The following TIAM1 variants were observed in gnomAD, a reference collection of about 807,000 sequenced individuals.
TIAM1 encodes the protein rho guanine nucleotide exchange factor TIAM1.
Under a neutral mutation model 163.5 loss-of-function variants are expected in TIAM1, and 65 were observed. The observed-to-expected ratio is 0.40, with a 90% CI of 0.33 to 0.49. The LOEUF is 0.49. Among genes scored for constraint, TIAM1 ranks in the 20% least tolerant of loss-of-function variants. The pLI, the probability that TIAM1 is intolerant of heterozygous loss-of-function variation, is 0.77. For synonymous variants in TIAM1, 833 were observed against 810.1 expected, an observed-to-expected ratio of 1.03 and a Z score of -0.48; for missense variants, 1,789 against 2,044.7, an observed-to-expected ratio of 0.87 and a Z score of 2.41.
At chr21:31,368,020 C>T (rs2076529970) in intron 2 of TIAM1, among the ~76,000 whole-genome samples, 1 of 152,094 alleles carries the variant, frequency 6.6e-6, no homozygotes, top group Non-Finnish European at 1.5e-5. Flanking sequence ...CATGAGAGGC[C>T]TCTCAGTATA....
intron 3 of TIAM1, among the ~76,000 whole-genome samples, chr21:31,272,418 AGGTAGGT>A (rs1295059927): frequency 6.6e-6 from 1 of 151,878 alleles, no homozygotes; most frequent in Admixed American, 6.6e-5. Context: ...TATATATATC[AGGTAGGT>A]GGTCATTTCT....
At chr21:31,509,752 C>T (rs1305368010) in intron 1 of TIAM1, among the ~76,000 whole-genome samples, 1 of 152,150 alleles carries the variant, frequency 6.6e-6, no homozygotes, top group Admixed American at 6.5e-5. Flanking sequence ...TCCCTTGCAA[C>T]AAAGACGGGG....
intron 2 of TIAM1, among the ~76,000 whole-genome samples, chr21:31,329,699 C>T (rs1425580741): frequency 6.6e-6 from 1 of 152,172 alleles, no homozygotes; most frequent in African/African-American, 2.4e-5. Flanking sequence ...CTTAGAGTAT[C>T]AGAGCCTCCT....
At chr21:31,422,139 C>T (rs2043600435) in intron 2 of TIAM1, among the ~76,000 whole-genome samples, 1 of 152,136 alleles carries the variant, frequency 6.6e-6, no homozygotes. Flanking sequence ...TTTCGTAAGC[C>T]ACCAAGTTGG....
At chr21:31,170,104 CATGTTT>C (rs990304581) in intron 15 of TIAM1, among the ~76,000 whole-genome samples, 26 of 152,232 alleles carry the variant, frequency 1.7e-4, no homozygotes, top group African/African-American at 6.3e-4. Flanking sequence ...ACTTAAACTT[CATGTTT>C]AGATTATAGA....
At chr21:31,551,376 CT>C (rs992371716) in intron 1 of TIAM1, among the ~76,000 whole-genome samples, 8 of 151,866 alleles carry the variant, frequency 5.3e-5, no homozygotes, top group African/African-American at 1.9e-4. Flanking sequence ...TGCCATTGCA[CT>C]CCAGCCTGGG....
chr21:31,138,878 C>T (rs1170547634), intron 22 of TIAM1, among the ~76,000 whole-genome samples: 1 of 152,206 alleles, frequency 6.6e-6, no homozygotes, highest in Non-Finnish European at 1.5e-5. Flanking sequence ...TCTTCTCTTG[C>T]TCTCTTTGGC....
intron 2 of TIAM1, among the ~76,000 whole-genome samples, chr21:31,399,503 A>T (rs557454253): frequency 6.6e-6 from 1 of 152,192 alleles, no homozygotes; most frequent in Admixed American, 6.5e-5. Flanking sequence ...GTATGCATCC[A>T]CTGTGGGGGG....
At chr21:31,447,624 T>C (rs1031467172) in intron 2 of TIAM1, among the ~76,000 whole-genome samples, 6 of 151,980 alleles carry the variant, frequency 3.9e-5, no homozygotes, top group Non-Finnish European at 7.4e-5. Flanking sequence ...CAAAAGCAAA[T>C]GGAAGTGAAG....
chr21:31,479,446 T>A (rs1438724859), intron 1 of TIAM1, among the ~76,000 whole-genome samples: 5 of 130,742 alleles, frequency 3.8e-5, no homozygotes, highest in Admixed American at 3.8e-4. Context: ...AATGGAAGGA[T>A]GGATGGATAG....
intron 2 of TIAM1, among the ~76,000 whole-genome samples, chr21:31,421,565 G>A (rs574796399): frequency 2.0e-5 from 3 of 152,324 alleles, no homozygotes; most frequent in East Asian, 3.9e-4. Context: ...CACTCCTTAT[G>A]AGAATCGAAT....
chr21:31,319,808 A>G (rs2075252852), intron 2 of TIAM1, among the ~76,000 whole-genome samples: 1 of 150,298 alleles, frequency 6.7e-6, no homozygotes, highest in African/African-American at 2.4e-5. Flanking sequence ...AAAAATTACT[A>G]TAACCTTTCT....
At chr21:31,324,516 C>A (rs185991297) in intron 2 of TIAM1, among the ~76,000 whole-genome samples, 1 of 152,104 alleles carries the variant, frequency 6.6e-6, no homozygotes, top group African/African-American at 2.4e-5. Flanking sequence ...AGTACTTGTC[C>A]CCATTTATAA....
At chr21:31,397,812 C>T (rs1025588822) in intron 2 of TIAM1, among the ~76,000 whole-genome samples, 6 of 152,108 alleles carry the variant, frequency 3.9e-5, no homozygotes, top group Admixed American at 1.3e-4. Context: ...CAGGGCAAAA[C>T]GAAAGACATG....
chr21:31,184,850 T>G (rs754338887), intron 14 of TIAM1, among the ~76,000 whole-genome samples: 4 of 152,164 alleles, frequency 2.6e-5, no homozygotes, highest in Admixed American at 6.5e-5. Flanking sequence ...AGCAGATAAA[T>G]TATCCTGACT....
In TIAM1 at chr21:31,119,210, T is replaced by C. The variant is rs1216193168; in HGVS notation, c.*1158A>G. On this transcript the variant is annotated 3_prime_UTR_variant, in exon 28 of 28. Transcript: ENST00000541036. ...TTTTGAGCATGTTTACCCTGTTTCGTTGGCATGAAGAAAGTGTTAAACACA... is the reference window on the plus strand; with the variant it reads ...TTTTGAGCATGTTTACCCTGTTTCGCTGGCATGAAGAAAGTGTTAAACACA... 6.5e-6 allele frequency: 1 copy of C among 152,692 alleles called. No individual in the cohort carries two copies. The highest frequency in any genetic ancestry group is 2.4e-5 in the African/African-American group (1 of 41,450). The allele number at this position is 152,692 out of a possible 1,614,324, so 9.5% of individuals were successfully genotyped here.
intron 3 of TIAM1, among the ~76,000 whole-genome samples, chr21:31,276,105 C>A (rs2146855711): frequency 6.6e-6 from 1 of 152,112 alleles, no homozygotes; most frequent in South Asian, 2.1e-4. Flanking sequence ...TGGTTTCAAG[C>A]CTGTTTTTTC....
chr21:31,159,543 A>T (rs1271400290), intron 16 of TIAM1, among the ~76,000 whole-genome samples: 3 of 152,252 alleles, frequency 2.0e-5, no homozygotes, highest in Non-Finnish European at 4.4e-5. Context: ...TATAGCCTTT[A>T]CTTAAGCTTT....
chr21:31,552,920 A>G (rs971233947), intron 1 of TIAM1, among the ~76,000 whole-genome samples: 2 of 152,230 alleles, frequency 1.3e-5, no homozygotes, highest in African/African-American at 4.8e-5. Flanking sequence ...CTGGAATCCA[A>G]AGAAAATTTC....
Sources: allele counts gnomAD v4.1 joint callset (sites outside exome capture counted in the v4.1 genomes callset), GRCh38; gene constraint gnomAD v4.1.1; transcripts MANE v1.5; gene names NCBI Gene and HGNC (gene_info 2026-07-23, HGNC 2026-07-21).